KHDRBS2: variants seen among roughly 807,000 people sequenced by gnomAD.
KHDRBS2 encodes KH domain-containing, RNA-binding, signal transduction-associated protein 2.
Under a neutral mutation model 44.3 loss-of-function variants are expected in KHDRBS2, and 26 were observed. The observed-to-expected ratio is 0.59, with a 90% CI of 0.43 to 0.81. The LOEUF (loss-of-function observed/expected upper bound fraction) is 0.81, where lower values mean the gene tolerates loss of function less well. Among genes scored for constraint, KHDRBS2 ranks in the 40% least tolerant of loss-of-function variants. KHDRBS2 has a pLI of 0.00. For synonymous variants in KHDRBS2, 194 were observed against 151.1 expected, an observed-to-expected ratio of 1.28 and a Z score of -2.08; for missense variants, 476 against 433.1, an observed-to-expected ratio of 1.10 and a Z score of -0.88.
intron 6 of KHDRBS2, among the ~76,000 whole-genome samples, chr6:61,817,413 T>C (rs1356075057): frequency 4.6e-5 from 7 of 152,104 alleles, no homozygotes; most frequent in East Asian, 1.9e-4. Flanking sequence ...ATGGCAATTA[T>C]AGAAATACTA....
chr6:61,880,367 G>A (rs540353993), intron 6 of KHDRBS2, among the ~76,000 whole-genome samples: 1 of 151,854 alleles, frequency 6.6e-6, no homozygotes, highest in Non-Finnish European at 1.5e-5. Context: ...GGAAGGGAGA[G>A]GATTTGGTAG....
intron 3 of KHDRBS2, among the ~76,000 whole-genome samples, chr6:62,002,031 G>GTAA (rs1346998798): frequency 4.6e-5 from 7 of 152,092 alleles, no homozygotes; most frequent in Admixed American, 3.9e-4. Context: ...CATAGAAAGT[G>GTAA]TAATGTTCCC....
At chr6:61,787,065 A>G (rs1039214569) in intron 6 of KHDRBS2, among the ~76,000 whole-genome samples, 5 of 149,224 alleles carry the variant, frequency 3.4e-5, no homozygotes, top group African/African-American at 1.2e-4. Flanking sequence ...AAATATGTAT[A>G]TTAAGCAAGT....
At chr6:62,074,802 ATATTT>A (rs1796007109) in intron 2 of KHDRBS2, among the ~76,000 whole-genome samples, 1 of 151,786 alleles carries the variant, frequency 6.6e-6, no homozygotes, top group African/African-American at 2.4e-5. Context: ...GGACCTTAAC[ATATTT>A]TATTATAGTT....
chr6:61,753,319 G>A (rs1387422155), intron 6 of KHDRBS2, among the ~76,000 whole-genome samples: 2 of 152,048 alleles, frequency 1.3e-5, no homozygotes, highest in East Asian at 3.9e-4. Flanking sequence ...CTTCTTCCTC[G>A]ATCTCAGTTT....
chr6:62,137,440 G>T (rs1478242151), intron 2 of KHDRBS2, among the ~76,000 whole-genome samples: 1 of 152,104 alleles, frequency 6.6e-6, no homozygotes, highest in Non-Finnish European at 1.5e-5. Context: ...TTTATTTAGA[G>T]CAGAATTATA....
intron 6 of KHDRBS2, among the ~76,000 whole-genome samples, chr6:61,761,648 T>C (rs189181854): frequency 3.3e-5 from 5 of 152,330 alleles, no homozygotes; most frequent in African/African-American, 1.2e-4. Flanking sequence ...TATACATATG[T>C]ACTAAATGGA....
chr6:62,141,086 T>G (rs761115107), intron 2 of KHDRBS2, among the ~76,000 whole-genome samples: 10 of 152,190 alleles, frequency 6.6e-5, no homozygotes, highest in Non-Finnish European at 1.3e-4. Context: ...GATTAAGAGA[T>G]GCTAAACATT....
At chr6:61,697,106 C>T (rs1767988522) in intron 8 of KHDRBS2, 89 bp downstream of exon 8, 2 of 914,932 alleles carry the variant, frequency 2.2e-6, no homozygotes, top group Admixed American at 1.8e-5. Flanking sequence ...TCTGGAAAAA[C>T]TAGGGGGAGA....
At chr6:62,123,654 C>T (rs1808247676) in intron 2 of KHDRBS2, among the ~76,000 whole-genome samples, 1 of 152,100 alleles carries the variant, frequency 6.6e-6, no homozygotes, top group Admixed American at 6.5e-5. Flanking sequence ...TACATTTGTT[C>T]AAAGTTGTGT....
At chr6:61,736,492 G>T (rs1451473671) in intron 6 of KHDRBS2, among the ~76,000 whole-genome samples, 1 of 151,790 alleles carries the variant, frequency 6.6e-6, no homozygotes, top group Non-Finnish European at 1.5e-5. Flanking sequence ...TCGGGCTTTT[G>T]GTCCTTCACC....
chr6:61,899,722 A>G (rs1298988692), intron 5 of KHDRBS2, among the ~76,000 whole-genome samples: 3 of 120,026 alleles, frequency 2.5e-5, no homozygotes, highest in Admixed American at 9.3e-5. Context: ...AGATAAATTC[A>G]TTGTTTTAAT....
At chr6:61,638,723 G>T in the KHDRBS2 span, among the ~76,000 whole-genome samples, 7 of 152,206 alleles carry the variant, frequency 4.6e-5, no homozygotes, top group South Asian at 4.1e-4. Context: ...GGTAAAGAGA[G>T]AATTTATAGT....
At chr6:61,547,903 T>C in the KHDRBS2 span, among the ~76,000 whole-genome samples, 54 of 152,288 alleles carry the variant, frequency 3.5e-4, no homozygotes, top group African/African-American at 1.3e-3. Context: ...TTGGCCTTTA[T>C]AGACAAGGGC....
chr6:62,054,573 T>C (rs968669103), intron 2 of KHDRBS2, among the ~76,000 whole-genome samples: 2 of 152,034 alleles, frequency 1.3e-5, no homozygotes, highest in Non-Finnish European at 2.9e-5. Context: ...TAATGTCTTT[T>C]TAAAAGAAAG....
intron 3 of KHDRBS2, among the ~76,000 whole-genome samples, chr6:62,047,674 A>G (rs1056430616): frequency 2.6e-5 from 4 of 151,950 alleles, no homozygotes; most frequent in African/African-American, 7.2e-5. Flanking sequence ...TATAGAATAT[A>G]CTTTCTGGAA....
the KHDRBS2 span, among the ~76,000 whole-genome samples, chr6:61,570,276 A>G: frequency 6.6e-6 from 1 of 152,158 alleles, no homozygotes; most frequent in African/African-American, 2.4e-5. Context: ...TACAAATTAC[A>G]GTGCAAAGTT....
intron 1 of KHDRBS2, among the ~76,000 whole-genome samples, chr6:62,241,519 T>G (rs969362234): frequency 2.0e-5 from 3 of 152,004 alleles, no homozygotes; most frequent in Admixed American, 1.3e-4. Flanking sequence ...CCACATAGTT[T>G]TATGTGATTT....
At chr6:62,093,892 G>GTGTGTA (rs771470823) in intron 2 of KHDRBS2, among the ~76,000 whole-genome samples, 2 of 126,294 alleles carry the variant, frequency 1.6e-5, no homozygotes, top group Non-Finnish European at 3.5e-5. Flanking sequence ...GTGTGTGTGT[G>GTGTGTA]TATATCACAT....
Sources: allele counts gnomAD v4.1 joint callset (sites outside exome capture counted in the v4.1 genomes callset), GRCh38; gene constraint gnomAD v4.1.1; transcripts MANE v1.5; gene names NCBI Gene and HGNC (gene_info 2026-07-23, HGNC 2026-07-21).